The following HS6ST2 variants were observed in gnomAD, a reference collection of about 807,000 sequenced individuals.
HS6ST2 encodes the protein heparan sulfate 6-O-sulfotransferase 2, also known as heparan-sulfate 6-O-sulfotransferase 2.
HS6ST2 carries 17 observed loss-of-function variants against 33.0 expected under a neutral mutation model. The observed-to-expected ratio is 0.52, with a 90% confidence interval of 0.35 to 0.77. HS6ST2 has a LOEUF of 0.77. Among genes scored for constraint, HS6ST2 ranks in the 30% least tolerant of loss-of-function variants. The probability of loss-of-function intolerance (pLI) is 0.01; values close to 1 mark genes in which losing one functional copy is unlikely to be tolerated. For synonymous variants in HS6ST2, 248 were observed against 237.1 expected, an observed-to-expected ratio of 1.05 and a Z score of -0.42; for missense variants, 519 against 551.7, an observed-to-expected ratio of 0.94 and a Z score of 0.59.
chrX:132,952,399 G>A (rs2067024277), intron 2 of HS6ST2, among the ~76,000 whole-genome samples: 1 of 110,779 alleles, frequency 9.0e-6, no homozygotes, highest in East Asian at 2.8e-4. Context: ...TGAACCACAC[G>A]ACCAGTACTG....
chrX:132,912,003 T>G (rs2066541089), intron 2 of HS6ST2, among the ~76,000 whole-genome samples: 1 of 111,885 alleles, frequency 8.9e-6, no homozygotes, highest in South Asian at 3.8e-4. Context: ...CATATATCCC[T>G]GTAGTTACGT....
chrX:132,665,514 G>A (rs1455853547), intron 4 of HS6ST2, among the ~76,000 whole-genome samples: 1 of 111,615 alleles, frequency 9.0e-6, no homozygotes, highest in African/African-American at 3.3e-5. Context: ...ACATTATAAA[G>A]GCTCTTGGTG....
At chrX:132,937,386 G>A (rs956733562) in intron 2 of HS6ST2, among the ~76,000 whole-genome samples, 2 of 111,693 alleles carry the variant, frequency 1.8e-5, no homozygotes, top group African/African-American at 6.5e-5. Context: ...CTGAACAGCC[G>A]AAGCAATACT....
intron 2 of HS6ST2, among the ~76,000 whole-genome samples, chrX:132,909,736 A>G (rs1377626771): frequency 2.7e-5 from 3 of 111,238 alleles, no homozygotes; most frequent in African/African-American, 9.8e-5. Flanking sequence ...CTGGGGCATT[A>G]TATTTCATTT....
In HS6ST2 at chrX:132,626,924, A is replaced by G. The variant is rs1204927332; in HGVS notation, c.*1299T>C. 1 of 112,436 alleles carries G rather than the reference A, an allele frequency of 8.9e-6. No individual in the cohort carries two copies. The highest frequency in any genetic ancestry group is 1.9e-5 in the Non-Finnish European group (1 of 53,246). The allele number at this position is 112,436 out of a possible 1,213,427, so 9.3% of individuals were successfully genotyped here. A position where few individuals can be genotyped will look rare whatever the true frequency, so the allele number is the denominator to read the frequency against. On this transcript the variant is annotated 3_prime_UTR_variant, in exon 5 of 5. Transcript: ENST00000370833. ...TCCTGATATGTAACCTCACTACAGA[A>G]CACTTTTTACTTTTGCTCTTTTCAA...
At chrX:132,869,695 G>C (rs1345460053) in intron 2 of HS6ST2, among the ~76,000 whole-genome samples, 3 of 111,701 alleles carry the variant, frequency 2.7e-5, no homozygotes, top group African/African-American at 9.8e-5. Context: ...ATGCAGAAAA[G>C]GCCTTTGATA....
At chrX:132,783,329 G>T (rs1026486110) in intron 2 of HS6ST2, among the ~76,000 whole-genome samples, 1 of 111,786 alleles carries the variant, frequency 8.9e-6, no homozygotes, top group South Asian at 3.8e-4. Flanking sequence ...AATAATGCTG[G>T]TGCTGTTTTG....
intron 3 of HS6ST2, among the ~76,000 whole-genome samples, chrX:132,693,972 C>T (rs1234088295): frequency 8.9e-6 from 1 of 111,845 alleles, no homozygotes; most frequent in East Asian, 2.8e-4. Context: ...AAACATATTC[C>T]CTGAGAAAAA....
chrX:132,651,976 G>A (rs762833374), intron 4 of HS6ST2, among the ~76,000 whole-genome samples: 24 of 112,023 alleles, frequency 2.1e-4, no homozygotes, highest in Non-Finnish European at 4.1e-4. Context: ...CCTGTTATGC[G>A]CAGGCAAACG....
intron 2 of HS6ST2, among the ~76,000 whole-genome samples, chrX:132,780,715 A>T (rs2065010140): frequency 9.0e-6 from 1 of 111,643 alleles, no homozygotes; most frequent in Admixed American, 9.6e-5. Flanking sequence ...TAATGCAGGC[A>T]AAGACTTAGC....
At chrX:132,719,842 A>C (rs1296344100) in intron 2 of HS6ST2, among the ~76,000 whole-genome samples, 1 of 112,518 alleles carries the variant, frequency 8.9e-6, no homozygotes, top group Non-Finnish European at 1.9e-5. Flanking sequence ...TCAGGATCCA[A>C]GGAAAACAGG....
rs768245651 is a variant in HS6ST2 at position 132,716,130 on chromosome X, C to T, written c.948-7636G>A. 4.3e-4 allele frequency among the ~76,000 whole-genome samples: 48 copies of T among 111,608 alleles called. 1 individual carries two copies. The highest frequency in any genetic ancestry group is 8.5e-4 in the Non-Finnish European group (45 of 53,113). ...TGGTCTGCAGTCCTTACAGAAACTGCCCCCTCCTCATCTCCTCTCTCACAC... is the reference window on the plus strand; with the variant it reads ...TGGTCTGCAGTCCTTACAGAAACTGTCCCCTCCTCATCTCCTCTCTCACAC... On this transcript the variant is annotated intron_variant, in intron 2 of 4. Transcript: ENST00000370833.
chrX:132,897,348 C>A (rs760073755), intron 2 of HS6ST2, among the ~76,000 whole-genome samples: 2 of 110,521 alleles, frequency 1.8e-5, no homozygotes, highest in East Asian at 5.7e-4. Context: ...ACAGGAAATC[C>A]CAACTCAGGT....
At chrX:132,728,175 G>C (rs190979881) in intron 2 of HS6ST2, among the ~76,000 whole-genome samples, 71 of 111,887 alleles carry the variant, frequency 6.3e-4, no homozygotes, top group African/African-American at 2.2e-3. Flanking sequence ...TAGAATTGCC[G>C]GATCATATAA....
rs60459374 is a variant in HS6ST2 at position 132,709,812 on chromosome X, AAC to A, written c.948-1320_948-1319del. Among the ~76,000 whole-genome samples the A allele has an allele frequency of 1.2e-4, 11 of 92,201 alleles. No homozygotes were observed. The East Asian group carries it at 1.8e-3, about 15-fold the overall frequency. The allele number at this position is 92,201 out of a possible 115,157, so 80.1% of individuals were successfully genotyped here. A position where few individuals can be genotyped will look rare whatever the true frequency, so the allele number is the denominator to read the frequency against. On this transcript the variant is annotated intron_variant, in intron 2 of 4. Transcript: ENST00000370833. ...AACACAACTTTGGGTGAAAAGACAA[AAC>A]ACACACACACACACACACACACACA...
chrX:132,635,359 A>G (rs1251655023), intron 4 of HS6ST2, among the ~76,000 whole-genome samples: 23 of 110,411 alleles, frequency 2.1e-4, no homozygotes, highest in Non-Finnish European at 4.2e-4. Flanking sequence ...ATCCCGTCCT[A>G]CTCTTCAGGT....
intron 2 of HS6ST2, among the ~76,000 whole-genome samples, chrX:132,775,362 C>T (rs1376835592): frequency 3.6e-5 from 4 of 110,978 alleles, no homozygotes; most frequent in Non-Finnish European, 7.6e-5. Context: ...TCAGCTCAGT[C>T]GTGAGCTCCT....
At chrX:132,832,924 A>T (rs2065604320) in intron 2 of HS6ST2, among the ~76,000 whole-genome samples, 1 of 111,569 alleles carries the variant, frequency 9.0e-6, no homozygotes, top group Admixed American at 9.6e-5. Flanking sequence ...TAACATTTTC[A>T]TCACTCCCAG....
At chrX:132,784,016 C>T (rs1428706663) in intron 2 of HS6ST2, among the ~76,000 whole-genome samples, 6 of 111,358 alleles carry the variant, frequency 5.4e-5, no homozygotes, top group African/African-American at 2.0e-4. Context: ...AAGCAAGGTG[C>T]CGAAGGAATT....
Sources: gnomAD v4.1 joint callset for allele counts (sites outside exome capture counted in the v4.1 genomes callset) on GRCh38, gnomAD v4.1.1 for gene constraint, MANE v1.5 for transcripts, NCBI Gene and HGNC (gene_info 2026-07-23, HGNC 2026-07-21) for gene names.